Variants in SLC25A42 observed in about 807,000 individuals in gnomAD.
SLC25A42 encodes solute carrier family 25 member 42, also known as mitochondrial coenzyme A transporter SLC25A42.
A neutral mutation model predicts 34.7 loss-of-function variants in SLC25A42; 19 were observed. The ratio of observed to expected loss-of-function variants is 0.55; its 90% CI spans 0.38 to 0.80. The LOEUF (loss-of-function observed/expected upper bound fraction) is 0.80. Among genes scored for constraint, SLC25A42 ranks in the 30% least tolerant of loss-of-function variants. The pLI is 0.00. For synonymous variants in SLC25A42, 205 were observed against 191.2 expected, an observed-to-expected ratio of 1.07 and a Z score of -0.59; for missense variants, 364 against 441.3, an observed-to-expected ratio of 0.82 and a Z score of 1.57.
intron 1 of SLC25A42, among the ~76,000 whole-genome samples, chr19:19,071,092 G>A (rs1332016203): frequency 5.4e-5 from 8 of 148,854 alleles, no homozygotes; most frequent in African/African-American, 1.5e-4. Flanking sequence ...CTGCCACCTC[G>A]AATTCCTGGG....
chr19:19,099,661 T>C (rs935199588), intron 2 of SLC25A42, among the ~76,000 whole-genome samples: 2 of 152,136 alleles, frequency 1.3e-5, no homozygotes, highest in Non-Finnish European at 2.9e-5. Flanking sequence ...GCCACATCCC[T>C]TCCCCATCTC....
chr19:19,083,153 A>G (rs1481580379), intron 1 of SLC25A42, among the ~76,000 whole-genome samples: 2 of 152,036 alleles, frequency 1.3e-5, no homozygotes, highest in Non-Finnish European at 2.9e-5. Flanking sequence ...AGATTTCACT[A>G]TGTTACCCAG....
intron 3 of SLC25A42, among the ~76,000 whole-genome samples, chr19:19,103,693 C>T (rs754932000): frequency 6.6e-5 from 10 of 152,194 alleles, no homozygotes; most frequent in South Asian, 4.1e-4. Context: ...GGTTACGGCC[C>T]GGGCCCTCTG....
intron 1 of SLC25A42, among the ~76,000 whole-genome samples, chr19:19,071,254 G>A (rs1044201618): frequency 2.6e-5 from 4 of 151,940 alleles, no homozygotes; most frequent in South Asian, 2.1e-4. Context: ...CCATCCTCCC[G>A]CCTCATCCTC....
intron 1 of SLC25A42, among the ~76,000 whole-genome samples, chr19:19,072,771 T>G (rs1253358238): frequency 5.9e-5 from 9 of 152,096 alleles, no homozygotes; most frequent in Admixed American, 5.9e-4. Flanking sequence ...CTCGACCTCC[T>G]GGGTTCAAGT....
At chr19:19,096,060 C>A in intron 1 of SLC25A42, 31 bp from the exon 2 acceptor site, 1 of 1,406,624 alleles carries the variant, frequency 7.1e-7, no homozygotes, top group Non-Finnish European at 1.0e-6. Context: ...AGGATCTCGC[C>A]GTATCTTACC....
At chr19:19,073,578 CT>C (rs869183295) in intron 1 of SLC25A42, among the ~76,000 whole-genome samples, 451 of 138,450 alleles carry the variant, frequency 3.3e-3, no homozygotes, top group Admixed American at 3.8e-3. Context: ...GAACATGGGG[CT>C]TTTTTTTTTT....
At position 19,096,072 on chromosome 19, in the gene SLC25A42, C is replaced by A. The variant is rs764955609; in HGVS notation, c.-34-19C>A. ...CTCAGGATCTCGCCGTATCTTACCA[C>A]CTCCCCTTACCCCCCCAGGACCGAG... On this transcript the variant is annotated intron_variant, in intron 1 of 7. Coordinates refer to ENST00000318596, the MANE Select transcript of SLC25A42 (RefSeq NM_178526.5). The A allele has an allele frequency of 5.3e-6, 8 of 1,508,712 alleles. No individual in the cohort carries two copies. The highest frequency in any genetic ancestry group is 7.4e-6 in the Non-Finnish European group (8 of 1,087,834). 93.5% of individuals were successfully genotyped at this position (1,508,712 alleles called of 1,614,324 possible).
At chr19:19,086,109 C>G (rs1197691225) in intron 1 of SLC25A42, among the ~76,000 whole-genome samples, 1 of 152,192 alleles carries the variant, frequency 6.6e-6, no homozygotes, top group Non-Finnish European at 1.5e-5. Context: ...ACTTGGCATG[C>G]CCCAGAAGCT....
intron 3 of SLC25A42, among the ~76,000 whole-genome samples, chr19:19,104,447 C>T (rs1282356488): frequency 3.3e-5 from 5 of 152,220 alleles, no homozygotes; most frequent in Non-Finnish European, 5.9e-5. Context: ...GGCTCGGGTC[C>T]CCCATGCCCA....
intron 3 of SLC25A42, among the ~76,000 whole-genome samples, chr19:19,103,306 G>A (rs934052127): frequency 6.6e-5 from 10 of 152,184 alleles, no homozygotes; most frequent in Non-Finnish European, 1.0e-4. Flanking sequence ...CGTTGGCCCC[G>A]CTGGTCTTGA....
Position 19,110,864 on chromosome 19 carries a change from C to T in SLC25A42, c.945C>T (p.His315=), listed in dbSNP as rs781548124. Residue 315 remains histidine, a synonymous_variant, in exon 8 of 8, where the codon CAC becomes CAT. Transcript: ENST00000318596. ...ACCTCATGCAGATCCTGCTGCGGCA[C>T]CTGCAGAGCTAGGGGACCCTGAGCT... ...TFDLMQILLR[H]LQS 6.2e-7 allele frequency: 1 copy of T among 1,613,830 alleles called. No individual in the cohort carries two copies. Among genetic ancestry groups the T allele is most frequent in the East Asian group, 2.2e-5 (1 of 44,886 alleles).
At position 19,074,597 on chromosome 19, in the gene SLC25A42, A is replaced by G. The variant is rs544558103; in HGVS notation, c.-35+10482A>G. Among the ~76,000 whole-genome samples, 213 of 152,264 alleles carry G rather than the reference A, an allele frequency of 1.4e-3. 1 individual carries two copies. The highest frequency in any genetic ancestry group is 5.1e-3 in the African/African-American group (211 of 41,526). On this transcript the variant is annotated intron_variant, in intron 1 of 7. Coordinates refer to ENST00000318596, the MANE Select transcript of SLC25A42 (RefSeq NM_178526.5). ...TGGTCCCCACAAGGTAACAGCATAA[A>G]CGGTGGGCCTGTCTTATGTCTGGTC...
rs1386951976 is a variant in SLC25A42 at position 19,064,512 on chromosome 19, A to G, written c.-35+397A>G. Among the ~76,000 whole-genome samples the G allele has an allele frequency of 4.2e-5, 5 of 120,252 alleles. No individual in the cohort carries two copies. The East Asian group carries it at 1.0e-3, about 25-fold the overall frequency. The allele number at this position is 120,252 out of a possible 152,430, so 78.9% of individuals were successfully genotyped here. A position where few individuals can be genotyped will look rare whatever the true frequency, so the allele number is the denominator to read the frequency against. ...GTCTGTCCTTGTCGATGACACCCCC[A>G]CACCCACACCTGAGCCTGTGACTCC... On this transcript the variant is annotated intron_variant, in intron 1 of 7. Transcript: ENST00000318596.
chr19:19,078,222 T>C (rs952305447), intron 1 of SLC25A42, among the ~76,000 whole-genome samples: 1 of 152,156 alleles, frequency 6.6e-6, no homozygotes, highest in African/African-American at 2.4e-5. Flanking sequence ...AGCAGAGGTC[T>C]GGAGGTGGGA....
intron 6 of SLC25A42, 84 bp downstream of exon 6, chr19:19,106,469 G>C (rs1362823454): frequency 1.8e-6 from 2 of 1,136,846 alleles, no homozygotes; most frequent in Admixed American, 2.2e-5. Context: ...TCTCTCTATC[G>C]GGCCCCAGGG....
chr19:19,078,652 G>A (rs2059666745), intron 1 of SLC25A42, among the ~76,000 whole-genome samples: 1 of 152,182 alleles, frequency 6.6e-6, no homozygotes, highest in African/African-American at 2.4e-5. Context: ...CTAATTCCAA[G>A]TAACCTAGTA....
At chr19:19,108,123 A>T (rs2059843661) in intron 7 of SLC25A42, 78 bp downstream of exon 7, 4 of 1,476,418 alleles carry the variant, frequency 2.7e-6, no homozygotes, top group Non-Finnish European at 3.6e-6. Context: ...TGGGTCACAT[A>T]GACCTGGAGA....
At chr19:19,096,261 CCCCCCTCCCAGG>C in intron 2 of SLC25A42, 56 bp downstream of exon 2, 1 of 1,429,310 alleles carries the variant, frequency 7.0e-7, no homozygotes. Flanking sequence ...GCCTCCCCAC[CCCCCCTCCCAGG>C]CTCCCTGCCT....
Sources: gnomAD v4.1 joint callset for allele counts (sites outside exome capture counted in the v4.1 genomes callset) on GRCh38, gnomAD v4.1.1 for gene constraint, MANE v1.5 for transcripts, NCBI Gene and HGNC (gene_info 2026-07-23, HGNC 2026-07-21) for gene names.